The following AOPEP variants were observed in gnomAD, a reference collection of about 807,000 sequenced individuals.
AOPEP encodes aminopeptidase O.
AOPEP carries 77 observed loss-of-function variants against 98.1 expected under a neutral mutation model. The observed-to-expected ratio is 0.78, with a 90% CI of 0.65 to 0.95. The LOEUF (loss-of-function observed/expected upper bound fraction) is 0.95. Ranked by LOEUF, AOPEP falls within the 40% of genes least tolerant of loss-of-function variation. The probability of loss-of-function intolerance (pLI) is 0.00; values close to 1 mark genes in which losing one functional copy is unlikely to be tolerated. For missense variants in AOPEP, 1,024 were observed against 1,024.7 expected (o/e 1.00, Z 0.01); for synonymous variants, 346 against 365.3 (o/e 0.95, Z 0.60).
At chr9:94,735,792 C>T (rs113158213) in intron 1 of AOPEP, among the ~76,000 whole-genome samples, 32 of 152,268 alleles carry the variant, frequency 2.1e-4, no homozygotes, top group African/African-American at 7.0e-4. Context: ...CATCATTCCT[C>T]AAGGAATCCC....
At position 95,023,309 on chromosome 9, in the gene AOPEP, G is replaced by C. The variant is rs536986873; in HGVS notation, c.2115+17693G>C. 5.9e-5 allele frequency among the ~76,000 whole-genome samples: 9 copies of C among 152,332 alleles called. No homozygotes were observed. The South Asian group carries it at 1.5e-3, about 25-fold the overall frequency. On this transcript the variant is annotated intron_variant, in intron 13 of 16. Coordinates refer to ENST00000375315, the MANE Select transcript of AOPEP (RefSeq NM_001193329.3). ...GCAGGAAGAATGACGATGAGGGCACGTTTGGAACATCAGCGTGGCGGATGT... is the reference window on the plus strand; with the variant it reads ...GCAGGAAGAATGACGATGAGGGCACCTTTGGAACATCAGCGTGGCGGATGT...
rs139253438 is a variant in AOPEP at position 95,082,716 on chromosome 9, C to T, written c.*1C>T. ...GGTGGTGGCCGAAATGTTATTTTAACGAGGTGATTCTCTCCCTTTCCTTTC... is the reference window on the plus strand; with the variant it reads ...GGTGGTGGCCGAAATGTTATTTTAATGAGGTGATTCTCTCCCTTTCCTTTC... On this transcript the variant is annotated 3_prime_UTR_variant, in exon 16 of 17. Transcript: ENST00000375315. 1.2e-5 allele frequency: 20 copies of T among 1,614,010 alleles called. No homozygotes were observed. In the East Asian group the frequency reaches 1.6e-4, roughly 13 times the overall value.
chr9:95,104,784 G>A, the AOPEP span, among the ~76,000 whole-genome samples: 1 of 152,106 alleles, frequency 6.6e-6, no homozygotes, highest in Admixed American at 6.5e-5. Context: ...ACTCACACGG[G>A]CCACAGGGTT....
chr9:94,882,893 G>T (rs746693501), intron 5 of AOPEP, among the ~76,000 whole-genome samples: 8 of 152,172 alleles, frequency 5.3e-5, no homozygotes, highest in Non-Finnish European at 1.2e-4. Context: ...GTACATTGTG[G>T]ACCCATAATT....
At chr9:95,068,982 C>T (rs1159294377) in intron 14 of AOPEP, among the ~76,000 whole-genome samples, 1 of 152,118 alleles carries the variant, frequency 6.6e-6, no homozygotes, top group Non-Finnish European at 1.5e-5. Context: ...TGACTGCGCT[C>T]CTGCCACAGC....
chr9:94,926,893 G>A (rs912155864), intron 6 of AOPEP, among the ~76,000 whole-genome samples: 5 of 152,242 alleles, frequency 3.3e-5, no homozygotes, highest in Non-Finnish European at 2.9e-5. Flanking sequence ...TGTGAATCAA[G>A]TCAGTCGCAA....
chr9:94,776,943 T>C (rs1328187965), intron 3 of AOPEP, among the ~76,000 whole-genome samples: 1 of 151,744 alleles, frequency 6.6e-6, no homozygotes, highest in Non-Finnish European at 1.5e-5. Flanking sequence ...GAAGACTGGA[T>C]GAATGGTACA....
chr9:94,924,247 C>T (rs2053996325), intron 6 of AOPEP, 72 bp downstream of exon 6: 2 of 1,233,852 alleles, frequency 1.6e-6, no homozygotes, highest in Admixed American at 8.1e-5. Context: ...GCTCACCCAA[C>T]AGCTATGGAC....
chr9:94,981,361 C>G (rs1281594301), intron 11 of AOPEP, among the ~76,000 whole-genome samples: 1 of 152,162 alleles, frequency 6.6e-6, no homozygotes, highest in Non-Finnish European at 1.5e-5. Flanking sequence ...ACTGAAGAAA[C>G]CTGCTGTCAA....
intron 5 of AOPEP, among the ~76,000 whole-genome samples, chr9:94,802,814 C>T (rs1055276734): frequency 2.6e-5 from 4 of 152,152 alleles, no homozygotes; most frequent in African/African-American, 9.7e-5. Context: ...GGACTTATTA[C>T]CATTCCCTGG....
intron 5 of AOPEP, among the ~76,000 whole-genome samples, chr9:94,833,833 G>A (rs996637872): frequency 2.6e-5 from 4 of 152,144 alleles, no homozygotes; most frequent in African/African-American, 9.7e-5. Flanking sequence ...AGCATAAATC[G>A]TTGAGAAGGG....
chr9:95,149,863 C>A, the AOPEP span: 1 of 1,539,208 alleles, frequency 6.5e-7, no homozygotes, highest in African/African-American at 1.4e-5. Flanking sequence ...TTCCAACACA[C>A]CACAGCCTTC....
chr9:94,955,699 A>G (rs1425189265), intron 8 of AOPEP, among the ~76,000 whole-genome samples: 3 of 152,140 alleles, frequency 2.0e-5, no homozygotes, highest in Admixed American at 2.0e-4. Flanking sequence ...CCAAACAAAA[A>G]TGATGACAAC....
At chr9:95,090,654 G>T (rs1203997131), downstream of AOPEP, among the ~76,000 whole-genome samples, 7 of 152,108 alleles carry the variant, frequency 4.6e-5, no homozygotes, top group Non-Finnish European at 8.8e-5. Context: ...CCTCCCTGCT[G>T]GGGTTGAAGG....
the AOPEP span, among the ~76,000 whole-genome samples, chr9:95,097,640 C>A: frequency 6.6e-6 from 1 of 152,224 alleles, no homozygotes; most frequent in Non-Finnish European, 1.5e-5. Flanking sequence ...GCATTCAGTG[C>A]ACGTTTCTGT....
the AOPEP span, among the ~76,000 whole-genome samples, chr9:95,136,079 G>T: frequency 9.2e-5 from 14 of 152,160 alleles, no homozygotes; most frequent in Admixed American, 2.6e-4. Flanking sequence ...TCGGTTGCTT[G>T]AAAGTTGAAA....
intron 14 of AOPEP, among the ~76,000 whole-genome samples, chr9:95,066,205 G>A (rs144878540): frequency 6.6e-6 from 1 of 152,196 alleles, no homozygotes. Context: ...AGTCAGGACG[G>A]TCTGTCTCTC....
At chr9:95,078,821 T>C (rs996316161) in intron 14 of AOPEP, among the ~76,000 whole-genome samples, 9 of 152,222 alleles carry the variant, frequency 5.9e-5, no homozygotes, top group African/African-American at 2.2e-4. Flanking sequence ...GACGGAGGCG[T>C]CCAGCGGGCA....
chr9:95,077,369 C>T (rs1357991909), intron 14 of AOPEP, among the ~76,000 whole-genome samples: 1 of 152,244 alleles, frequency 6.6e-6, no homozygotes, highest in African/African-American at 2.4e-5. Flanking sequence ...GAGAAGACAA[C>T]TGCCCGGGTC....
Sources: gnomAD v4.1 joint callset for allele counts (sites outside exome capture counted in the v4.1 genomes callset) on GRCh38, gnomAD v4.1.1 for gene constraint, MANE v1.5 for transcripts, NCBI Gene and HGNC (gene_info 2026-07-23, HGNC 2026-07-21) for gene names.